MICAL2: variants seen among roughly 807,000 people sequenced by gnomAD.
The protein encoded by MICAL2 is microtubule associated monooxygenase, calponin and LIM domain containing 2.
A neutral mutation model predicts 127.3 loss-of-function variants in MICAL2; 77 were observed. The ratio of observed to expected loss-of-function variants is 0.60; its 90% CI spans 0.50 to 0.73. The LOEUF (loss-of-function observed/expected upper bound fraction) is 0.73, where lower values mean the gene tolerates loss of function less well. Among genes scored for constraint, MICAL2 ranks in the 30% least tolerant of loss-of-function variants. MICAL2 has a pLI of 0.00. For missense variants in MICAL2, 1,351 were observed against 1,434.4 expected (o/e 0.94, Z 0.94); for synonymous variants, 570 against 551.1 (o/e 1.03, Z -0.48).
intron 21 of MICAL2, among the ~76,000 whole-genome samples, chr11:12,245,498 C>T (rs908640805): frequency 6.6e-6 from 1 of 152,228 alleles, no homozygotes; most frequent in African/African-American, 2.4e-5. Flanking sequence ...GGAATCTTAC[C>T]AGCCCCATCC....
At chr11:12,148,100 A>G (rs1409917284) in intron 2 of MICAL2, among the ~76,000 whole-genome samples, 1 of 151,924 alleles carries the variant, frequency 6.6e-6, no homozygotes, top group Non-Finnish European at 1.5e-5. Flanking sequence ...GTGCTGAGTC[A>G]CTCCATCTTC....
intron 3 of MICAL2, among the ~76,000 whole-genome samples, chr11:12,162,714 T>A (rs1854974593): frequency 6.6e-6 from 1 of 152,204 alleles, no homozygotes; most frequent in African/African-American, 2.4e-5. Context: ...CTACTACTAC[T>A]TCTAGTAGCT....
intron 4 of MICAL2, among the ~76,000 whole-genome samples, chr11:12,205,296 G>A (rs958793056): frequency 1.5e-4 from 23 of 152,240 alleles, no homozygotes; most frequent in African/African-American, 5.5e-4. Flanking sequence ...GCAGTGGGGA[G>A]GTCTTTAGCT....
At chr11:12,223,581 C>A in intron 12 of MICAL2, 80 bp downstream of exon 12, 1 of 1,292,216 alleles carries the variant, frequency 7.7e-7, no homozygotes, top group Non-Finnish European at 1.1e-6. Flanking sequence ...ACCGTGGTGA[C>A]ACAGGCACTG....
At chr11:12,163,966 G>T (rs1855162618) in intron 3 of MICAL2, among the ~76,000 whole-genome samples, 1 of 152,006 alleles carries the variant, frequency 6.6e-6, no homozygotes, top group African/African-American at 2.4e-5. Flanking sequence ...TTTTATTAGG[G>T]AATGCTATTG....
chr11:12,224,931 T>C, intron 13 of MICAL2, 111 bp downstream of exon 13: 2 of 1,344,810 alleles, frequency 1.5e-6, no homozygotes, highest in Admixed American at 2.3e-5. Context: ...TGTTTCAATT[T>C]GAGATTTTTC....
rs60340716 is a variant in MICAL2 at position 12,131,299 on chromosome 11, CAA to C, written c.-148-7067_-148-7066del. 5.1e-3 allele frequency among the ~76,000 whole-genome samples: 70 copies of C among 13,704 alleles called. 2 individuals are homozygous for C. The highest frequency in any genetic ancestry group is 0.03 in the South Asian group (3 of 100). 9.0% of individuals were successfully genotyped at this position (13,704 alleles called of 152,430 possible). On this transcript the variant is annotated intron_variant, in intron 1 of 27. Transcript: ENST00000683283. ...TGGGCGACAGAGCGAGACTCCGTCTCAAAAAAAAAAAAAAAAAAAAAAAAAGA... is the reference window on the plus strand; with the variant it reads ...TGGGCGACAGAGCGAGACTCCGTCTCAAAAAAAAAAAAAAAAAAAAAAAGA...
At chr11:12,121,474 G>A (rs1850503911) in intron 1 of MICAL2, 1 of 152,578 alleles carries the variant, frequency 6.6e-6, no homozygotes, top group African/African-American at 2.4e-5. Context: ...ACATCATCTG[G>A]AATGATGCTG....
chr11:12,174,638 A>G (rs1197749112), intron 3 of MICAL2, among the ~76,000 whole-genome samples: 2 of 151,556 alleles, frequency 1.3e-5, no homozygotes, highest in African/African-American at 4.9e-5. Context: ...TAATGTGGTG[A>G]TGAACACTGA....
intron 1 of MICAL2, among the ~76,000 whole-genome samples, chr11:12,277,075 T>A (rs1361002866): frequency 6.6e-6 from 1 of 151,492 alleles, no homozygotes; most frequent in African/African-American, 2.4e-5. Flanking sequence ...TAGACCGGAG[T>A]AAGCCAACCC....
chr11:12,113,116 T>A (rs1849729722), intron 1 of MICAL2, among the ~76,000 whole-genome samples: 1 of 152,264 alleles, frequency 6.6e-6, no homozygotes, highest in African/African-American at 2.4e-5. Context: ...CAGTCTCTAT[T>A]CTTTAAAGAG....
chr11:12,355,734 C>T (rs2134910730), intron 34 of MICAL2, among the ~76,000 whole-genome samples: 1 of 152,292 alleles, frequency 6.6e-6, no homozygotes, highest in South Asian at 2.1e-4. Context: ...ATCCCATGCT[C>T]AAGGTGAATG....
intron 23 of MICAL2, 190 bp from the exon 24 acceptor site, chr11:12,256,595 C>T (rs1301699844): frequency 3.7e-6 from 2 of 541,308 alleles, no homozygotes; most frequent in Non-Finnish European, 6.4e-6. Flanking sequence ...TAACAGAAGC[C>T]CCTGCAGGGT....
intron 2 of MICAL2, among the ~76,000 whole-genome samples, chr11:12,150,260 A>G (rs1002145877): frequency 3.3e-5 from 5 of 152,226 alleles, no homozygotes; most frequent in Admixed American, 2.6e-4. Flanking sequence ...AGAAACAAAA[A>G]TAAACTTTTG....
rs1189737294 is a variant in MICAL2, at chr11:12,358,300, C to T, written c.5695C>T (p.Gln1899Ter). The T allele has an allele frequency of 6.2e-7, 1 of 1,613,162 alleles. No homozygotes were observed. ...GTTTTCTTTTTTTTCTTTAGAGAGC[C>T]AGAAAGATGAGAAGGATCTAAACGA... The change falls in exon 35 of 35, where the codon CAG (glutamine) becomes TAG (stop). Residue 1899 changes from glutamine to a stop codon, truncating the protein, a stop_gained. Transcript: ENST00000646065. LOFTEE classifies it high-confidence loss of function.
At chr11:12,244,825 G>A (rs1203955649) in intron 21 of MICAL2, among the ~76,000 whole-genome samples, 2 of 152,180 alleles carry the variant, frequency 1.3e-5, no homozygotes, top group Admixed American at 6.5e-5. Context: ...ATTTATGGGG[G>A]CATGGAGAGT....
intron 32 of MICAL2, among the ~76,000 whole-genome samples, chr11:12,329,908 A>G (rs900683957): frequency 2.7e-5 from 4 of 150,930 alleles, no homozygotes; most frequent in African/African-American, 9.7e-5. Flanking sequence ...AGTTTGAGTT[A>G]TAGCAAAAGA....
chr11:12,350,553 G>A (rs1021209006), intron 33 of MICAL2, among the ~76,000 whole-genome samples: 4 of 152,216 alleles, frequency 2.6e-5, no homozygotes, highest in East Asian at 1.9e-4. Flanking sequence ...ATGCTGTCTC[G>A]TTTCATTTTT....
intron 32 of MICAL2, among the ~76,000 whole-genome samples, chr11:12,341,590 G>A (rs1156383419): frequency 6.6e-6 from 1 of 152,160 alleles, no homozygotes; most frequent in Non-Finnish European, 1.5e-5. Flanking sequence ...ACTTTGGGAG[G>A]CCAAGACAGG....
Sources: gnomAD v4.1 joint callset for allele counts (sites outside exome capture counted in the v4.1 genomes callset) on GRCh38, gnomAD v4.1.1 for gene constraint, MANE v1.5 for transcripts, NCBI Gene and HGNC (gene_info 2026-07-23, HGNC 2026-07-21) for gene names.